NEK7: variants seen among roughly 807,000 people sequenced by gnomAD.
The protein encoded by NEK7 is NIMA related kinase 7, also known as serine/threonine-protein kinase Nek7.
NEK7 carries 18 observed loss-of-function variants against 44.6 expected under a neutral mutation model. The ratio of observed to expected loss-of-function variants is 0.40; its 90% confidence interval spans 0.28 to 0.60. The LOEUF is 0.60. NEK7 is among the 20% of genes least tolerant of loss of function. The pLI is 0.38. For synonymous variants in NEK7, 130 were observed against 121.1 expected, an observed-to-expected ratio of 1.07 and a Z score of -0.48; for missense variants, 256 against 366.5, an observed-to-expected ratio of 0.70 and a Z score of 2.46.
At chr1:198,223,085 T>C (rs1666115868) in intron 1 of NEK7, among the ~76,000 whole-genome samples, 1 of 152,112 alleles carries the variant, frequency 6.6e-6, no homozygotes, top group Admixed American at 6.6e-5. Context: ...GCTGGAAATG[T>C]GGGAGAGGCA....
In NEK7 at chr1:198,293,089, A is replaced by C. The variant is rs12072750; in HGVS notation, c.684+50A>C. The C allele has an allele frequency of 6.4e-3, 6,052 of 952,836 alleles. 247 individuals are homozygous for C. The African/African-American group carries it at 0.082, about 13-fold the overall frequency. The allele number at this position is 952,836 out of a possible 1,614,324, so 59.0% of individuals were successfully genotyped here. A position where few individuals can be genotyped will look rare whatever the true frequency, so the allele number is the denominator to read the frequency against. On this transcript the variant is annotated intron_variant, in intron 8 of 9. Coordinates refer to ENST00000367385, the MANE Select transcript of NEK7 (RefSeq NM_133494.3). ...ATATTGATGCAGTTTTACTTAGTAT[A>C]TTTCCTCTATCCTTATAGTATATAC... is the stretch of plus-strand genomic sequence containing the variant.
chr1:198,174,646 A>G (rs1028961641), intron 1 of NEK7, among the ~76,000 whole-genome samples: 2 of 152,230 alleles, frequency 1.3e-5, no homozygotes, highest in Non-Finnish European at 2.9e-5. Flanking sequence ...AGCTAGAGTC[A>G]GTCATTGCTT....
chr1:198,310,909 T>C (rs1655162500), intron 9 of NEK7, among the ~76,000 whole-genome samples: 1 of 149,956 alleles, frequency 6.7e-6, no homozygotes, highest in South Asian at 2.1e-4. Context: ...TAGGATTGAC[T>C]TGGCGATGCG....
At chr1:198,224,171 G>T (rs762634627) in intron 1 of NEK7, among the ~76,000 whole-genome samples, 12 of 152,070 alleles carry the variant, frequency 7.9e-5, no homozygotes, top group Non-Finnish European at 1.3e-4. Flanking sequence ...TTTATGGACT[G>T]CATATAAAAC....
intron 1 of NEK7, among the ~76,000 whole-genome samples, chr1:198,194,312 T>TA (rs1366158913): frequency 6.6e-6 from 1 of 151,566 alleles, no homozygotes; most frequent in Non-Finnish European, 1.5e-5. Context: ...TTTTTTTTTT[T>TA]AAGTTCGGGG....
At chr1:198,184,162 A>C (rs1026410779) in intron 1 of NEK7, among the ~76,000 whole-genome samples, 9 of 152,222 alleles carry the variant, frequency 5.9e-5, no homozygotes, top group Non-Finnish European at 1.3e-4. Flanking sequence ...GTAATTTTTC[A>C]CACCATATTA....
rs570494757 is a variant in NEK7 at position 198,240,156 on chromosome 1, T to C, written c.57+7519T>C. ...TTCTAGAGTTATTTTAGAAAATGAC[T>C]GTGTGACAATATTGAATACTAAGAA... On this transcript the variant is annotated intron_variant, in intron 2 of 9. Coordinates refer to ENST00000367385, the MANE Select transcript of NEK7 (RefSeq NM_133494.3). Among the ~76,000 whole-genome samples, 8 of 152,326 alleles carry C rather than the reference T, an allele frequency of 5.3e-5. No homozygotes were observed. The East Asian group carries it at 1.5e-3, about 29-fold the overall frequency.
chr1:198,200,714 C>A (rs1665405256), intron 1 of NEK7, among the ~76,000 whole-genome samples: 1 of 152,040 alleles, frequency 6.6e-6, no homozygotes, highest in Non-Finnish European at 1.5e-5. Context: ...CCAAACCTGG[C>A]TAATTTTTGT....
Position 198,271,905 on chromosome 1 carries a change from T to A in NEK7, c.373-6056T>A, listed in dbSNP as rs996096270. Among the ~76,000 whole-genome samples, 9 of 141,396 alleles carry A rather than the reference T, an allele frequency of 6.4e-5. No homozygotes were observed. In the East Asian group the frequency reaches 6.4e-4, roughly 10 times the overall value. The allele number at this position is 141,396 out of a possible 152,430, so 92.8% of individuals were successfully genotyped here. On this transcript the variant is annotated intron_variant, in intron 5 of 9. Transcript: ENST00000367385. ...TATATATAAATTAAAAATTTATATT[T>A]TATATATATATATATATATACACAC...
At chr1:198,215,479 T>C (rs1333786076) in intron 1 of NEK7, among the ~76,000 whole-genome samples, 1 of 152,196 alleles carries the variant, frequency 6.6e-6, no homozygotes, top group Non-Finnish European at 1.5e-5. Flanking sequence ...TATTTTTGCA[T>C]TTTTATTTTA....
rs1215198674 is a variant in NEK7 at position 198,320,209 on chromosome 1, A to C, written c.*687A>C. 6.6e-6 allele frequency: 1 copy of C among 152,182 alleles called. No individual in the cohort carries two copies. The highest frequency in any genetic ancestry group is 1.5e-5 in the Non-Finnish European group (1 of 68,020). The allele number at this position is 152,182 out of a possible 1,614,324, so 9.4% of individuals were successfully genotyped here. A position where few individuals can be genotyped will look rare whatever the true frequency, so the allele number is the denominator to read the frequency against. ...ATTCTCTTTGCATTGAAATGGTATA[A>C]ATGAATCCATTTAAAAAGTGGTTAA... On this transcript the variant is annotated 3_prime_UTR_variant, in exon 10 of 10. Transcript: ENST00000367385.
chr1:198,240,495 G>A (rs372650638), intron 2 of NEK7, among the ~76,000 whole-genome samples: 4 of 107,078 alleles, frequency 3.7e-5, no homozygotes, highest in East Asian at 3.8e-4. Context: ...GTGAGACTCC[G>A]TCTCAAAAAA....
intron 1 of NEK7, among the ~76,000 whole-genome samples, chr1:198,160,769 T>C (rs946069321): frequency 6.6e-6 from 1 of 152,226 alleles, no homozygotes; most frequent in Non-Finnish European, 1.5e-5. Context: ...TTGTATAATA[T>C]AATGGCAGTT....
intron 1 of NEK7, among the ~76,000 whole-genome samples, chr1:198,178,782 T>C (rs569408686): frequency 3.0e-4 from 46 of 152,124 alleles, no homozygotes; most frequent in Non-Finnish European, 5.9e-4. Flanking sequence ...AGAGCACTTA[T>C]GGTTGTAGAT....
intron 7 of NEK7, among the ~76,000 whole-genome samples, chr1:198,288,084 A>G (rs1654434209): frequency 6.6e-6 from 1 of 152,196 alleles, no homozygotes; most frequent in African/African-American, 2.4e-5. Flanking sequence ...GCCAGGTGCC[A>G]CCTGTGGTCA....
At chr1:198,314,753 G>C (rs1353712025) in intron 9 of NEK7, among the ~76,000 whole-genome samples, 1 of 152,228 alleles carries the variant, frequency 6.6e-6, no homozygotes, top group Admixed American at 6.5e-5. Flanking sequence ...TCAGGGGTCA[G>C]GGGTCAGAGA....
intron 1 of NEK7, among the ~76,000 whole-genome samples, chr1:198,199,918 A>G (rs1665369764): frequency 6.6e-6 from 1 of 152,086 alleles, no homozygotes. Flanking sequence ...TCAGTGTCAT[A>G]CTAATATATT....
At chr1:198,164,810 G>C (rs750994155) in intron 1 of NEK7, among the ~76,000 whole-genome samples, 9 of 152,034 alleles carry the variant, frequency 5.9e-5, no homozygotes, top group Non-Finnish European at 1.2e-4. Context: ...CACATCAATT[G>C]ACTCTTTCTT....
chr1:198,295,293 T>C (rs1245622829), intron 8 of NEK7, among the ~76,000 whole-genome samples: 1 of 151,964 alleles, frequency 6.6e-6, no homozygotes, highest in African/African-American at 2.4e-5. Flanking sequence ...AAAAGAGAGC[T>C]GCCACCAGCC....
Sources: gnomAD v4.1 joint callset for allele counts (sites outside exome capture counted in the v4.1 genomes callset) on GRCh38, gnomAD v4.1.1 for gene constraint, MANE v1.5 for transcripts, NCBI Gene and HGNC (gene_info 2026-07-23, HGNC 2026-07-21) for gene names.